The following ST18 variants were observed in gnomAD, a reference collection of about 807,000 sequenced individuals.
The protein encoded by ST18 is suppression of tumorigenicity 18 protein.
ST18 carries 50 observed loss-of-function variants against 110.0 expected under a neutral mutation model. That is an observed-to-expected ratio of 0.45 (90% CI 0.36 to 0.58). The LOEUF is 0.58. Ranked by LOEUF, ST18 falls within the 20% of genes least tolerant of loss-of-function variation. The probability of loss-of-function intolerance (pLI) is 0.00; values close to 1 mark genes in which losing one functional copy is unlikely to be tolerated. For missense variants in ST18, 1,306 were observed against 1,280.1 expected (o/e 1.02, Z -0.31); for synonymous variants, 461 against 452.4 (o/e 1.02, Z -0.24).
chr8:52,370,271 G>A (rs1829780030), intron 2 of ST18, among the ~76,000 whole-genome samples: 1 of 152,126 alleles, frequency 6.6e-6, no homozygotes, highest in African/African-American at 2.4e-5. Flanking sequence ...GCCAAAGTAG[G>A]TTAAGCTCTA....
chr8:52,346,161 T>A (rs1360444131), intron 2 of ST18, among the ~76,000 whole-genome samples: 1 of 151,112 alleles, frequency 6.6e-6, no homozygotes, highest in East Asian at 1.9e-4. Flanking sequence ...ATATGTAAAA[T>A]TTATTTTATT....
intron 2 of ST18, among the ~76,000 whole-genome samples, chr8:52,272,011 A>G (rs889599503): frequency 9.2e-5 from 14 of 152,198 alleles, no homozygotes; most frequent in Non-Finnish European, 2.1e-4. Context: ...TTCCCTAAGA[A>G]CTATCTGGAG....
intron 2 of ST18, among the ~76,000 whole-genome samples, chr8:52,245,353 G>A (rs184713000): frequency 2.2e-4 from 34 of 151,926 alleles, no homozygotes; most frequent in Non-Finnish European, 1.5e-5. Context: ...GCTTCTGCCT[G>A]TCATTATAAG....
Position 52,385,212 on chromosome 8 carries a change from G to A in ST18, c.-465+24116C>T, listed in dbSNP as rs375904047. Among the ~76,000 whole-genome samples the A allele has an allele frequency of 5.9e-5, 9 of 152,206 alleles. No homozygotes were observed. In the East Asian group the frequency reaches 9.7e-4, roughly 16 times the overall value. On this transcript the variant is annotated intron_variant, in intron 2 of 25. Transcript: ENST00000689386. ...CTGGCAGGGATGAGCTGGTTCCCTC[G>A]GAAACTCTTGTCATGGCTAAGACAT... is the stretch of plus-strand genomic sequence containing the variant.
At chr8:52,277,345 C>A (rs2095291746) in intron 2 of ST18, among the ~76,000 whole-genome samples, 1 of 152,204 alleles carries the variant, frequency 6.6e-6, no homozygotes. Context: ...CTAGTCCTCT[C>A]CTGCTTCCAG....
chr8:52,360,038 T>C (rs534019484), intron 2 of ST18, among the ~76,000 whole-genome samples: 6 of 152,292 alleles, frequency 3.9e-5, no homozygotes, highest in South Asian at 2.1e-4. Context: ...CACTGACTTA[T>C]ATAAAATTAG....
intron 2 of ST18, among the ~76,000 whole-genome samples, chr8:52,255,258 T>C (rs7012775): frequency 0.08 from 12,239 of 152,232 alleles, 1,059 homozygotes; most frequent in African/African-American, 0.21. Context: ...CTGCAGGTTA[T>C]GCTGCTCTCA....
intron 8 of ST18, among the ~76,000 whole-genome samples, chr8:52,209,830 T>G (rs1274046914): frequency 2.0e-5 from 3 of 148,104 alleles, no homozygotes; most frequent in African/African-American, 7.4e-5. Context: ...TTATAATTAT[T>G]AATGCTTCTG....
intron 8 of ST18, among the ~76,000 whole-genome samples, chr8:52,202,757 A>C (rs1564032812): frequency 1.3e-5 from 2 of 152,248 alleles, no homozygotes; most frequent in Admixed American, 1.3e-4. Context: ...TTGAGATGGA[A>C]AGAATGTTTT....
At chr8:52,332,097 A>C (rs1352317142) in intron 2 of ST18, among the ~76,000 whole-genome samples, 1 of 152,104 alleles carries the variant, frequency 6.6e-6, no homozygotes, top group Admixed American at 6.6e-5. Flanking sequence ...TATAAAATAA[A>C]TATAACCAAA....
At chr8:52,172,647 C>T in intron 9 of ST18, 64 bp from the exon 10 acceptor site, 1 of 1,333,934 alleles carries the variant, frequency 7.5e-7, no homozygotes, top group South Asian at 1.5e-5. Flanking sequence ...AAAATTGCAA[C>T]AAGTTATATG....
At chr8:52,188,435 C>T (rs1337369440) in intron 8 of ST18, among the ~76,000 whole-genome samples, 2 of 152,028 alleles carry the variant, frequency 1.3e-5, no homozygotes, top group African/African-American at 2.4e-5. Flanking sequence ...CATCTGAAGG[C>T]GAACACAAAG....
intron 2 of ST18, among the ~76,000 whole-genome samples, chr8:52,249,100 T>G (rs77951986): frequency 1.3e-5 from 2 of 152,146 alleles, no homozygotes; most frequent in African/African-American, 2.4e-5. Context: ...CTCCAACAAA[T>G]AGCCTACCTC....
chr8:52,122,396 T>G (rs992243811), intron 23 of ST18, among the ~76,000 whole-genome samples: 1 of 152,124 alleles, frequency 6.6e-6, no homozygotes, highest in African/African-American at 2.4e-5. Context: ...TATAGTTATG[T>G]TTTTTCATAT....
chr8:52,117,411 G>A (rs1435722934), intron 24 of ST18, among the ~76,000 whole-genome samples: 2 of 152,126 alleles, frequency 1.3e-5, no homozygotes, highest in African/African-American at 4.8e-5. Flanking sequence ...CAACACCATT[G>A]ATCATTTATG....
chr8:52,291,180 C>A (rs1336118785), intron 2 of ST18, among the ~76,000 whole-genome samples: 1 of 152,188 alleles, frequency 6.6e-6, no homozygotes, highest in South Asian at 2.1e-4. Context: ...TTTCACTGCC[C>A]CATCCCTACC....
At chr8:52,133,804 T>C (rs1168608436) in intron 19 of ST18, among the ~76,000 whole-genome samples, 4 of 151,870 alleles carry the variant, frequency 2.6e-5, no homozygotes, top group African/African-American at 7.3e-5. Context: ...GATCTTGGCT[T>C]ACTGCAACCT....
chr8:52,123,477 C>A (rs1463451832), intron 23 of ST18, among the ~76,000 whole-genome samples: 1 of 152,224 alleles, frequency 6.6e-6, no homozygotes, highest in African/African-American at 2.4e-5. Context: ...ACCCCCAAAC[C>A]ACTTTAGGTC....
chr8:52,200,921 C>G (rs2077751414), intron 8 of ST18: 1 of 152,196 alleles, frequency 6.6e-6, no homozygotes. Context: ...TTTGCAGATA[C>G]TGTCCACACA....
Sources: allele counts gnomAD v4.1 joint callset (sites outside exome capture counted in the v4.1 genomes callset), GRCh38; gene constraint gnomAD v4.1.1; transcripts MANE v1.5; gene names NCBI Gene and HGNC (gene_info 2026-07-23, HGNC 2026-07-21).